The following LRP2 variants were observed in gnomAD, a reference collection of about 807,000 sequenced individuals.
LRP2 encodes the protein low-density lipoprotein receptor-related protein 2.
LRP2 carries 172 observed loss-of-function variants against 531.0 expected under a neutral mutation model. The ratio of observed to expected loss-of-function variants is 0.32; its 90% CI spans 0.29 to 0.37. The LOEUF is 0.37. Among genes scored for constraint, LRP2 ranks in the 10% least tolerant of loss-of-function variants. The pLI is 1.00. For synonymous variants in LRP2, 1,992 were observed against 2,027.6 expected, an observed-to-expected ratio of 0.98 and a Z score of 0.47; for missense variants, 5,167 against 5,868.3, an observed-to-expected ratio of 0.88 and a Z score of 3.90.
At chr2:169,203,868 C>T (rs535284674) in intron 42 of LRP2, 114 bp downstream of exon 42, 1 of 1,123,344 alleles carries the variant, frequency 8.9e-7, no homozygotes, top group African/African-American at 1.5e-5. Context: ...CATAAATTAC[C>T]CTGACATCAA....
chr2:169,290,782 G>C, intron 8 of LRP2, 63 bp downstream of exon 8: 1 of 1,532,084 alleles, frequency 6.5e-7, no homozygotes. Flanking sequence ...GTATTTGAAC[G>C]TCTGTTCTAG....
intron 1 of LRP2, among the ~76,000 whole-genome samples, chr2:169,336,706 A>T (rs1276793035): frequency 6.6e-6 from 1 of 152,186 alleles, no homozygotes; most frequent in Non-Finnish European, 1.5e-5. Context: ...CGCAACAAAC[A>T]GGTACTGAAG....
At position 169,297,715 on chromosome 2, in the gene LRP2, A is replaced by G. The variant is rs982773224; in HGVS notation, c.428-3005T>C. ...GTTTGAAGCAAGAAATTTCTATGCTATAGTTCTGTTTACATAATCAGGGAG... is the reference window on the plus strand; with the variant it reads ...GTTTGAAGCAAGAAATTTCTATGCTGTAGTTCTGTTTACATAATCAGGGAG... On this transcript the variant is annotated intron_variant, in intron 4 of 78. Transcript: ENST00000649046. Among the ~76,000 whole-genome samples the G allele has an allele frequency of 7.2e-5, 11 of 152,286 alleles. No individual in the cohort carries two copies. In the South Asian group the frequency reaches 1.7e-3, roughly 23 times the overall value.
intron 3 of LRP2, among the ~76,000 whole-genome samples, chr2:169,308,852 G>T (rs1285857904): frequency 6.6e-6 from 1 of 152,156 alleles, no homozygotes; most frequent in East Asian, 1.9e-4. Flanking sequence ...GTGTAAAAGT[G>T]TTCCTATTTC....
rs181690619 is a variant in LRP2, at chr2:169,240,054, G to A, written c.4046-279C>T. Among the ~76,000 whole-genome samples, 661 of 152,208 alleles carry A rather than the reference G, an allele frequency of 4.3e-3. 9 individuals are homozygous for A. Among genetic ancestry groups the A allele is most frequent in the Non-Finnish European group, 4.8e-3 (325 of 68,016 alleles). ...CCATTTAATGCAATGAGAACCCTTG[G>A]GAAAATATTGTTGACATCAAGGAAG... is the stretch of plus-strand genomic sequence containing the variant. On this transcript the variant is annotated intron_variant, in intron 25 of 78. Coordinates refer to ENST00000649046, the MANE Select transcript of LRP2 (RefSeq NM_004525.3).
At chr2:169,268,377 A>C (rs1370793938) in intron 16 of LRP2, among the ~76,000 whole-genome samples, 1 of 152,222 alleles carries the variant, frequency 6.6e-6, no homozygotes, top group Admixed American at 6.5e-5. Context: ...TGGCAAACCG[A>C]ATCCAGGATC....
intron 1 of LRP2, among the ~76,000 whole-genome samples, chr2:169,357,289 TTTTTATTTTA>T (rs148875655): frequency 0.067 from 7,853 of 116,890 alleles, 206 homozygotes; most frequent in Middle Eastern, 0.11. Flanking sequence ...TTTTTATTTA[TTTTTATTTTA>T]TTTTATTTTA....
At chr2:169,193,472 G>A in intron 47 of LRP2, among the ~76,000 whole-genome samples, 1 of 149,072 alleles carries the variant, frequency 6.7e-6, no homozygotes, top group East Asian at 1.9e-4. Flanking sequence ...AAGAAAAGGA[G>A]ACAACCAAGT....
At chr2:169,329,907 T>TGA (rs1038054368) in intron 1 of LRP2, among the ~76,000 whole-genome samples, 1 of 152,000 alleles carries the variant, frequency 6.6e-6, no homozygotes, top group African/African-American at 2.4e-5. Context: ...GAGAGGCGGG[T>TGA]GAGTGAGCAT....
chr2:169,232,175 C>T (rs979772517), intron 30 of LRP2, among the ~76,000 whole-genome samples: 19 of 151,322 alleles, frequency 1.3e-4, no homozygotes, highest in Admixed American at 7.9e-4. Context: ...AATAATCTGT[C>T]TCCTTACCTG....
chr2:169,140,710 C>A (rs575813660), intron 71 of LRP2, among the ~76,000 whole-genome samples, 165 bp from the exon 72 acceptor site: 3 of 152,192 alleles, frequency 2.0e-5, no homozygotes, highest in Admixed American at 1.3e-4. Flanking sequence ...TCCTTAAGGT[C>A]TTGGAGAGTA....
intron 3 of LRP2, among the ~76,000 whole-genome samples, chr2:169,316,510 G>C (rs936675061): frequency 6.6e-6 from 1 of 152,098 alleles, no homozygotes. Flanking sequence ...CCTCATAGTG[G>C]GTTAAATGCT....
chr2:169,226,345 T>A, intron 32 of LRP2, 77 bp downstream of exon 32: 1 of 1,190,570 alleles, frequency 8.4e-7, no homozygotes. Flanking sequence ...TGACAAAAGT[T>A]TGCTTATAAG....
At chr2:169,293,162 G>A (rs1235136171) in intron 6 of LRP2, among the ~76,000 whole-genome samples, 1 of 152,146 alleles carries the variant, frequency 6.6e-6, no homozygotes, top group East Asian at 1.9e-4. Context: ...AGGTGTGGAG[G>A]GAAATCATAC....
At chr2:169,233,000 G>T (rs1689466638) in intron 30 of LRP2, among the ~76,000 whole-genome samples, 1 of 152,168 alleles carries the variant, frequency 6.6e-6, no homozygotes, top group Non-Finnish European at 1.5e-5. Context: ...ACTCGTGCTG[G>T]CTACAGCAGA....
In LRP2 at chr2:169,185,901, A is replaced by C; in HGVS notation, c.9447T>G (p.Thr3149=). 1.2e-6 allele frequency: 2 copies of C among 1,613,982 alleles called. No homozygotes were observed. Among genetic ancestry groups the C allele is most frequent in the Non-Finnish European group, 1.7e-6 (2 of 1,179,954 alleles). Reference sequence around the variant, plus strand: ...CTGTGCATTCATCAATATCAACACAAGTCCGCTTGTCAGACATGAGCTTGT... The same window carrying C: ...CTGTGCATTCATCAATATCAACACACGTCCGCTTGTCAGACATGAGCTTGT... The part of the protein sequence containing the change: ...PGYKLMSDKR[T]CVDIDECTEM... Residue 3149 remains threonine (T), a synonymous_variant, in exon 50 of 79, where the codon ACT becomes ACG. Coordinates refer to ENST00000649046, the MANE Select transcript of LRP2 (RefSeq NM_004525.3).
In LRP2 at chr2:169,172,206, T is replaced by G. The variant is rs115003958; in HGVS notation, c.11144-72A>C. On this transcript the variant is annotated intron_variant, in intron 57 of 78. Transcript: ENST00000649046. ...ATGCACAAAGTAGTATTGGCTTCCT[T>G]GTGAGACAGTCTGAGAATTGTATTA... 1,095 of 1,568,492 alleles carry G rather than the reference T, an allele frequency of 7.0e-4. 7 individuals carry two copies. The African/African-American group carries it at 0.012, about 18-fold the overall frequency.
At chr2:169,148,799 C>A (rs1008675163) in intron 68 of LRP2, among the ~76,000 whole-genome samples, 1 of 152,186 alleles carries the variant, frequency 6.6e-6, no homozygotes, top group Non-Finnish European at 1.5e-5. Context: ...TTCTGAACAG[C>A]CGGCCTGGCT....
At chr2:169,211,526 G>C (rs1211253293) in intron 37 of LRP2, among the ~76,000 whole-genome samples, 3 of 152,122 alleles carry the variant, frequency 2.0e-5, no homozygotes, top group Non-Finnish European at 4.4e-5. Flanking sequence ...TTAAATAGTA[G>C]TATACCTTCT....
Sources: gnomAD v4.1 joint callset for allele counts (sites outside exome capture counted in the v4.1 genomes callset) on GRCh38, gnomAD v4.1.1 for gene constraint, MANE v1.5 for transcripts, NCBI Gene and HGNC (gene_info 2026-07-23, HGNC 2026-07-21) for gene names.